Variants in SYMPK observed in about 807,000 individuals in gnomAD.
SYMPK encodes symplekin scaffold protein.
In SYMPK, 49 loss-of-function variants were observed where a neutral mutation model predicts 136.4. The ratio of observed to expected loss-of-function variants is 0.36; its 90% CI spans 0.29 to 0.46. The LOEUF (loss-of-function observed/expected upper bound fraction) is 0.46, where lower values mean the gene tolerates loss of function less well. SYMPK is among the 20% of genes least tolerant of loss of function. The pLI is 1.00. For synonymous variants in SYMPK, 766 were observed against 713.0 expected, an observed-to-expected ratio of 1.07 and a Z score of -1.19; for missense variants, 1,365 against 1,690.0, an observed-to-expected ratio of 0.81 and a Z score of 3.37.
chr19:45,819,328 G>A (rs1464015433), intron 22 of SYMPK: 3 of 152,454 alleles, frequency 2.0e-5, no homozygotes, highest in African/African-American at 4.8e-5. Flanking sequence ...CTCGGCCTGC[G>A]AGACTCCTGT....
intron 1 of SYMPK, among the ~76,000 whole-genome samples, chr19:45,858,274 T>C (rs536227392): frequency 6.6e-6 from 1 of 152,206 alleles, no homozygotes; most frequent in Admixed American, 6.5e-5. Context: ...CCTACAAGAT[T>C]TTATGGCATC....
intron 9 of SYMPK, among the ~76,000 whole-genome samples, chr19:45,840,851 G>A (rs1971419034): frequency 6.6e-6 from 1 of 151,336 alleles, no homozygotes; most frequent in Non-Finnish European, 1.5e-5. Context: ...AAAAAAAAAA[G>A]GATGAGGTAG....
At chr19:45,816,245 G>A in intron 25 of SYMPK, 62 bp from the exon 26 acceptor site, 1 of 1,262,388 alleles carries the variant, frequency 7.9e-7, no homozygotes, top group East Asian at 2.5e-5. Flanking sequence ...CGGCCGGAAA[G>A]AGAAGGAACC....
intron 12 of SYMPK, chr19:45,831,047 A>C (rs978537979): frequency 2.0e-5 from 4 of 200,198 alleles, no homozygotes; most frequent in Non-Finnish European, 4.0e-5. Flanking sequence ...TGACAATCAC[A>C]ATCACTTTTC....
intron 1 of SYMPK, among the ~76,000 whole-genome samples, chr19:45,857,706 T>C (rs950938552): frequency 2.6e-5 from 4 of 151,750 alleles, no homozygotes; most frequent in African/African-American, 9.7e-5. Context: ...TTAGCCAGGA[T>C]GGTCTCGATC....
chr19:45,845,085 G>A (rs966776903), intron 7 of SYMPK, among the ~76,000 whole-genome samples: 2 of 151,472 alleles, frequency 1.3e-5, no homozygotes, highest in African/African-American at 2.4e-5. Flanking sequence ...TTTTAGTATA[G>A]TTACCCTGCT....
rs1970796296 is a variant in SYMPK, at chr19:45,818,052, C to G, written c.2988G>C (p.Met996Ile). The G allele has an allele frequency of 6.4e-7, 1 of 1,568,878 alleles. No homozygotes were observed. Among genetic ancestry groups the G allele is most frequent in the African/African-American group, 1.4e-5 (1 of 73,858 alleles). Reference sequence around the variant, plus strand: ...ACTGGATGACGGTCCTCATGAGCAGCATGGGCAGGGGGCTCTGCTCCATCA... The same window carrying G: ...ACTGGATGACGGTCCTCATGAGCAGGATGGGCAGGGGGCTCTGCTCCATCA... Reference protein sequence around the residue: ...QQLMEQSPLPMLLMRTVIQSL... With the variant: ...QQLMEQSPLPILLMRTVIQSL... The change falls in exon 23 of 27, where the codon ATG becomes ATC. Residue 996 changes from methionine (M) to isoleucine (I), a missense_variant. This residue lies in a region of SYMPK where 156 missense variants were observed against 217.8 expected (regional missense o/e 0.72). Coordinates refer to ENST00000245934, the MANE Select transcript of SYMPK (RefSeq NM_004819.3).
chr19:45,821,481 C>T lies in SYMPK; in HGVS notation c.2796G>A (p.Glu932=), dbSNP rs756933452. Residue 932 remains glutamate (E), a synonymous_variant, in exon 22 of 27, where the codon GAG becomes GAA. Transcript: ENST00000245934. The surrounding 1 kb of genome is among the most constrained non-coding windows in gnomAD (Gnocchi z 4.4). ...TCAGCGGGGACAAGGCTGAGTTTCC[C>T]TCACCTGCAGCAGGCGGGAGGAAGG... ...FNRLLGTQHG[E]GNSALSPLNP... 6.2e-7 allele frequency: 1 copy of T among 1,613,008 alleles called. No homozygotes were observed. Among genetic ancestry groups the T allele is most frequent in the Non-Finnish European group, 8.5e-7 (1 of 1,179,150 alleles).
At chr19:45,822,365 G>A (rs554264630) in intron 21 of SYMPK, among the ~76,000 whole-genome samples, 18 of 152,098 alleles carry the variant, frequency 1.2e-4, no homozygotes, top group South Asian at 4.1e-4. Flanking sequence ...TGATCCGCCC[G>A]CCTCGCCTCA....
chr19:45,839,346 G>A (rs965297893), intron 9 of SYMPK, among the ~76,000 whole-genome samples: 2 of 152,202 alleles, frequency 1.3e-5, no homozygotes, highest in African/African-American at 4.8e-5. Context: ...CAGGGCTGGG[G>A]CAAGGACAGT....
In SYMPK at chr19:45,825,021, C is replaced by T. The variant is rs1038349002; in HGVS notation, c.2490+150G>A. 50 of 916,992 alleles carry T rather than the reference C, an allele frequency of 5.5e-5. 1 individual carries two copies. Among genetic ancestry groups the T allele is most frequent in the South Asian group, 1.8e-4 (11 of 61,268 alleles). The allele number at this position is 916,992 out of a possible 1,614,324, so 56.8% of individuals were successfully genotyped here. Reference sequence around the variant, plus strand: ...GTTTCCTCAGGAGTGACATGCGGACCGCCTGCAAGCTACACAGCCTGGGTC... The same window carrying T: ...GTTTCCTCAGGAGTGACATGCGGACTGCCTGCAAGCTACACAGCCTGGGTC... On this transcript the variant is annotated intron_variant, in intron 18 of 26. Transcript: ENST00000245934.
At chr19:45,824,114 C>T in intron 18 of SYMPK, 1 of 515,730 alleles carries the variant, frequency 1.9e-6, no homozygotes, top group Non-Finnish European at 3.5e-6. Context: ...GGCTGTCCTC[C>T]TGCGGGCCAC....
intron 1 of SYMPK, among the ~76,000 whole-genome samples, chr19:45,859,624 A>G (rs1228658787): frequency 6.6e-6 from 1 of 151,892 alleles, no homozygotes; most frequent in Non-Finnish European, 1.5e-5. Context: ...ACAAAAACAA[A>G]GAAAGGAAAG....
intron 5 of SYMPK, among the ~76,000 whole-genome samples, chr19:45,850,732 G>T (rs1197346826): frequency 1.3e-5 from 2 of 152,140 alleles, no homozygotes; most frequent in Admixed American, 1.3e-4. Context: ...ACTGCTCCAG[G>T]CAGGTACTGG....
chr19:45,827,065 C>G (rs1971057224), intron 16 of SYMPK, among the ~76,000 whole-genome samples: 1 of 152,190 alleles, frequency 6.6e-6, no homozygotes, highest in Admixed American at 6.5e-5. Context: ...CCCCTCCCTC[C>G]CCAGGGCAGC....
At chr19:45,857,140 G>A (rs1351209850) in intron 1 of SYMPK, among the ~76,000 whole-genome samples, 1 of 151,688 alleles carries the variant, frequency 6.6e-6, no homozygotes, top group Non-Finnish European at 1.5e-5. Flanking sequence ...TGGGTGCGGT[G>A]GCTCACACGT....
At chr19:45,819,730 TTTC>T (rs1414415043) in intron 22 of SYMPK, 4 of 152,532 alleles carry the variant, frequency 2.6e-5, no homozygotes, top group Non-Finnish European at 4.4e-5. Context: ...GGTGCTGACT[TTTC>T]TTAATGCTGG....
chr19:45,822,392 G>GAAACGA (rs1970930828), intron 21 of SYMPK, among the ~76,000 whole-genome samples: 2 of 152,012 alleles, frequency 1.3e-5, no homozygotes, highest in Non-Finnish European at 2.9e-5. Context: ...GTTTCTTTTT[G>GAAACGA]ACTGTGTCAA....
chr19:45,821,461 G>A lies in SYMPK; in HGVS notation c.2816C>T (p.Pro939Leu), dbSNP rs763125062. ...QHGEGNSALSPLNPGELLIAL... is the reference protein window; with the variant it reads ...QHGEGNSALSLLNPGELLIAL... ...GATCAGGAGCTCTCCAGGGTTCAGCGGGGACAAGGCTGAGTTTCCCTCACC... is the reference window on the plus strand; with the variant it reads ...GATCAGGAGCTCTCCAGGGTTCAGCAGGGACAAGGCTGAGTTTCCCTCACC... Residue 939 changes from proline (P) to leucine (L), a missense_variant, in exon 22 of 27, where the codon CCG becomes CTG. Around this residue, in one of 11 missense-constraint regions of SYMPK, gnomAD observed 156 missense variants for 217.8 expected, o/e 0.72. Transcript: ENST00000245934. This position sits in a 1 kb window ranked among gnomAD's most constrained non-coding sequence, Gnocchi z 4.4. 2.5e-6 allele frequency: 4 copies of A among 1,613,818 alleles called. No homozygotes were observed. The highest frequency in any genetic ancestry group is 2.2e-5 in the East Asian group (1 of 44,892).
Sources: allele counts gnomAD v4.1 joint callset (sites outside exome capture counted in the v4.1 genomes callset), GRCh38; gene constraint gnomAD v4.1.1; regional missense constraint gnomAD v4.1.1; non-coding constraint Gnocchi (gnomAD v3.1); transcripts MANE v1.5; gene names NCBI Gene and HGNC (gene_info 2026-07-23, HGNC 2026-07-21).